The following COG5 variants were observed in gnomAD, a reference collection of about 807,000 sequenced individuals.
COG5 encodes component of oligomeric golgi complex 5, also known as conserved oligomeric Golgi complex subunit 5.
In COG5, 86 loss-of-function variants were observed where a neutral mutation model predicts 110.4. The observed-to-expected ratio is 0.78, with a 90% CI of 0.65 to 0.93. COG5 has a LOEUF of 0.93. Among genes scored for constraint, COG5 ranks in the 40% least tolerant of loss-of-function variants. COG5 has a pLI of 0.00. For synonymous variants in COG5, 360 were observed against 334.6 expected, an observed-to-expected ratio of 1.08 and a Z score of -0.83; for missense variants, 1,077 against 987.0, an observed-to-expected ratio of 1.09 and a Z score of -1.22.
intron 6 of COG5, among the ~76,000 whole-genome samples, chr7:107,509,575 C>A (rs914837764): frequency 1.3e-5 from 2 of 152,108 alleles, no homozygotes; most frequent in African/African-American, 4.8e-5. Flanking sequence ...TCGAGAAGAG[C>A]AACTCCAACA....
At chr7:107,481,830 T>C (rs911485111) in intron 6 of COG5, among the ~76,000 whole-genome samples, 2 of 152,152 alleles carry the variant, frequency 1.3e-5, no homozygotes, top group African/African-American at 4.8e-5. Flanking sequence ...ATGCACACAA[T>C]ACAATAACAG....
chr7:107,313,594 G>A (rs537389141), intron 11 of COG5, among the ~76,000 whole-genome samples: 1 of 152,066 alleles, frequency 6.6e-6, no homozygotes, highest in African/African-American at 2.4e-5. Context: ...AGGTTCTAGG[G>A]GGAATTCTGT....
chr7:107,326,533 A>T (rs1231571327), intron 10 of COG5, among the ~76,000 whole-genome samples: 1 of 152,182 alleles, frequency 6.6e-6, no homozygotes, highest in East Asian at 1.9e-4. Context: ...AAAAATGAAG[A>T]AAACTACCCT....
intron 5 of COG5, among the ~76,000 whole-genome samples, chr7:107,542,233 C>T (rs904108588): frequency 6.6e-6 from 1 of 152,064 alleles, no homozygotes; most frequent in African/African-American, 2.4e-5. Flanking sequence ...AATGGATAGG[C>T]AGAGGAATAT....
intron 5 of COG5, among the ~76,000 whole-genome samples, chr7:107,546,068 A>C (rs1802419495): frequency 2.6e-5 from 4 of 152,134 alleles, no homozygotes; most frequent in Non-Finnish European, 2.9e-5. Flanking sequence ...TAAAGGATGG[A>C]TTTCGAAAAA....
intron 5 of COG5, among the ~76,000 whole-genome samples, chr7:107,533,786 C>T (rs888438710): frequency 6.6e-6 from 1 of 151,440 alleles, no homozygotes; most frequent in African/African-American, 2.4e-5. Flanking sequence ...GCAAGACAGG[C>T]CAACATTCAA....
At chr7:107,552,357 G>A (rs1244321675) in intron 3 of COG5, among the ~76,000 whole-genome samples, 1 of 152,082 alleles carries the variant, frequency 6.6e-6, no homozygotes, top group African/African-American at 2.4e-5. Flanking sequence ...CCTACAGAAC[G>A]GGTGAAAATG....
At chr7:107,451,242 T>C (rs1248044154) in intron 6 of COG5, among the ~76,000 whole-genome samples, 2 of 151,986 alleles carry the variant, frequency 1.3e-5, no homozygotes, top group East Asian at 1.9e-4. Flanking sequence ...AAAGAGATCA[T>C]AGATATGAGA....
intron 2 of COG5, among the ~76,000 whole-genome samples, chr7:107,557,689 T>C (rs965351912): frequency 1.3e-5 from 2 of 152,248 alleles, no homozygotes; most frequent in Non-Finnish European, 2.9e-5. Flanking sequence ...TTTTCTATTA[T>C]CTTTATCGAA....
At chr7:107,398,518 G>T (rs976541627) in intron 7 of COG5, among the ~76,000 whole-genome samples, 4 of 152,168 alleles carry the variant, frequency 2.6e-5, no homozygotes, top group Admixed American at 1.3e-4. Context: ...CTCCTTATGA[G>T]AATCTAATGC....
intron 19 of COG5, among the ~76,000 whole-genome samples, chr7:107,215,186 T>C (rs979233861): frequency 4.6e-5 from 7 of 152,140 alleles, no homozygotes; most frequent in African/African-American, 1.2e-4. Flanking sequence ...ATTCAAAGCA[T>C]ACCACTACAG....
intron 12 of COG5, among the ~76,000 whole-genome samples, chr7:107,295,323 C>T (rs939975903): frequency 6.6e-6 from 1 of 151,464 alleles, no homozygotes; most frequent in African/African-American, 2.4e-5. Context: ...TTCTTCCACA[C>T]TATTTAGATC....
intron 19 of COG5, among the ~76,000 whole-genome samples, chr7:107,222,436 C>G (rs564853514): frequency 6.6e-6 from 1 of 152,306 alleles, no homozygotes; most frequent in South Asian, 2.1e-4. Flanking sequence ...AAACTCCTAA[C>G]CTCGTGATCC....
chr7:107,318,914 C>A (rs776183545), intron 11 of COG5, among the ~76,000 whole-genome samples: 3 of 152,192 alleles, frequency 2.0e-5, no homozygotes, highest in Non-Finnish European at 4.4e-5. Flanking sequence ...TTTTCAACAA[C>A]TATTTTTTTC....
At chr7:107,466,591 C>T (rs1796310250) in intron 6 of COG5, among the ~76,000 whole-genome samples, 1 of 152,078 alleles carries the variant, frequency 6.6e-6, no homozygotes, top group South Asian at 2.1e-4. Flanking sequence ...TGTTGATTCT[C>T]TACGACTTCT....
rs552270177 is a variant in COG5 at position 107,435,987 on chromosome 7, C to T, written c.539-23355G>A. ...TAAAAAAGAATGAAATCACATCATT[C>T]GTGGCAACATGGATGAACTTGGAGG... On this transcript the variant is annotated intron_variant, in intron 6 of 21. Transcript: ENST00000297135. Among the ~76,000 whole-genome samples, 9 of 152,250 alleles carry T rather than the reference C, an allele frequency of 5.9e-5. No individual in the cohort carries two copies. In the East Asian group the frequency reaches 1.7e-3, roughly 29 times the overall value.
chr7:107,451,957 T>C (rs564420003), intron 6 of COG5, among the ~76,000 whole-genome samples: 32 of 152,256 alleles, frequency 2.1e-4, no homozygotes, highest in African/African-American at 7.7e-4. Flanking sequence ...AGCCCCCACA[T>C]TGTTCAAGGA....
chr7:107,369,074 G>C (rs567858031), intron 8 of COG5, among the ~76,000 whole-genome samples: 5 of 152,158 alleles, frequency 3.3e-5, no homozygotes, highest in African/African-American at 1.2e-4. Context: ...GCTGGGATTA[G>C]AGGCATGTGT....
At chr7:107,249,690 TTGTG>T (rs57572752) in intron 16 of COG5, among the ~76,000 whole-genome samples, 22,401 of 131,246 alleles carry the variant, frequency 0.17, 1,832 homozygotes, top group Admixed American at 0.19. Flanking sequence ...ACGTACAGGA[TTGTG>T]TGTGTGTGTG....
Sources: allele counts gnomAD v4.1 joint callset (sites outside exome capture counted in the v4.1 genomes callset), GRCh38; gene constraint gnomAD v4.1.1; transcripts MANE v1.5; gene names NCBI Gene and HGNC (gene_info 2026-07-23, HGNC 2026-07-21).